The following FOXP1 variants were observed in gnomAD, a reference collection of about 807,000 sequenced individuals.
FOXP1 encodes the protein forkhead box P1, also known as forkhead box protein P1.
FOXP1 carries 15 observed loss-of-function variants against 98.2 expected under a neutral mutation model. That is an observed-to-expected ratio of 0.15 (90% CI 0.10 to 0.24). The LOEUF is 0.24. Ranked by LOEUF, FOXP1 falls within the 10% of genes least tolerant of loss-of-function variation. The pLI is 1.00. For missense variants in FOXP1, 633 were observed against 848.5 expected (o/e 0.75, Z 3.15); for synonymous variants, 371 against 314.5 (o/e 1.18, Z -1.90).
chr3:71,288,475 G>C (rs1034987978), intron 5 of FOXP1: 1 of 152,174 alleles, frequency 6.6e-6, no homozygotes, highest in Non-Finnish European at 1.5e-5. Flanking sequence ...AAAGGTAAAG[G>C]TGATAGACAG....
intron 6 of FOXP1, among the ~76,000 whole-genome samples, chr3:71,169,971 T>G (rs1047556303): frequency 6.6e-6 from 1 of 152,080 alleles, no homozygotes; most frequent in Admixed American, 6.6e-5. Context: ...CAATTAGCAT[T>G]GAAAAAAGAA....
At chr3:71,052,215 A>C (rs1241125376) in intron 9 of FOXP1, among the ~76,000 whole-genome samples, 2 of 152,078 alleles carry the variant, frequency 1.3e-5, no homozygotes, top group African/African-American at 4.8e-5. Context: ...AATTTTCCTG[A>C]AAGCACTTCA....
intron 14 of FOXP1, among the ~76,000 whole-genome samples, chr3:70,982,482 C>G (rs1256353364): frequency 1.3e-5 from 2 of 152,162 alleles, no homozygotes; most frequent in Admixed American, 6.5e-5. Context: ...GTCAGTAACT[C>G]TGATATTTTC....
chr3:70,971,433 G>C (rs1340153037), intron 18 of FOXP1: 3 of 154,324 alleles, frequency 1.9e-5, no homozygotes, highest in African/African-American at 7.2e-5. Flanking sequence ...CTAACATACT[G>C]TTGTCAGAAA....
rs939652041 is a variant in FOXP1 at position 71,331,098 on chromosome 3, G to A, written c.-73+28052C>T. ...GGCCCTTTCTGGGCTAGCCAAGGCC[G>A]GAGACGGCTCCCTCAGCTTGTGGGG... On this transcript the variant is annotated intron_variant, in intron 4 of 20. Transcript: ENST00000649528. 5.3e-5 allele frequency among the ~76,000 whole-genome samples: 8 copies of A among 152,332 alleles called. No individual in the cohort carries two copies. The East Asian group carries it at 5.8e-4, about 11-fold the overall frequency.
At chr3:71,188,642 T>C (rs1436076291) in intron 6 of FOXP1, among the ~76,000 whole-genome samples, 1 of 152,176 alleles carries the variant, frequency 6.6e-6, no homozygotes, top group Non-Finnish European at 1.5e-5. Context: ...GGTCTCGAAC[T>C]CCTGACCTCA....
At position 71,109,422 on chromosome 3, in the gene FOXP1, TGG is replaced by T. The variant is rs1359124725; in HGVS notation, c.282+3112_282+3113del. Among the ~76,000 whole-genome samples the T allele has an allele frequency of 1.4e-3, 39 of 27,388 alleles. 1 individual carries two copies. The Admixed American group carries it at 0.021, about 15-fold the overall frequency. The allele number at this position is 27,388 out of a possible 152,430, so 18.0% of individuals were successfully genotyped here. The stretch of plus-strand genomic sequence containing the variant: ...ATGAGTCACAGTATATTTGGGGATT[TGG>T]GGGTTTTTTTTTTTCCCTCAAGCTA... On this transcript the variant is annotated intron_variant, in intron 7 of 20. Coordinates refer to ENST00000649528, the MANE Select transcript of FOXP1 (RefSeq NM_001349338.3).
intron 9 of FOXP1, 139 bp downstream of exon 9, chr3:71,052,398 A>G (rs2050020355): frequency 2.8e-6 from 2 of 711,544 alleles, no homozygotes; most frequent in Non-Finnish European, 5.1e-6. Context: ...AAACAGGACA[A>G]TAATTCTCAG....
chr3:71,482,807 T>A (rs2090379434), intron 3 of FOXP1, among the ~76,000 whole-genome samples: 1 of 151,884 alleles, frequency 6.6e-6, no homozygotes, highest in Non-Finnish European at 1.5e-5. Context: ...TAACACTGGT[T>A]AGGAAGAGAC....
At position 71,465,144 on chromosome 3, in the gene FOXP1, T is replaced by C. The variant is rs538094827; in HGVS notation, c.-168+28282A>G. 3.2e-4 allele frequency among the ~76,000 whole-genome samples: 48 copies of C among 151,822 alleles called. No individual in the cohort carries two copies. The South Asian group carries it at 9.2e-3, about 29-fold the overall frequency. On this transcript the variant is annotated intron_variant, in intron 3 of 20. Coordinates refer to ENST00000649528, the MANE Select transcript of FOXP1 (RefSeq NM_001349338.3). ...CCAACAAGGAGAAACCCCGTCTCTA[T>C]TGAAAATACAAAATTAGCTGGGCGT... is the stretch of plus-strand genomic sequence containing the variant.
In FOXP1 at chr3:71,406,405, G is replaced by GTATATA. The variant is rs60423991; in HGVS notation, c.-167-47167_-167-47162dup. 5.9e-3 allele frequency among the ~76,000 whole-genome samples: 618 copies of GTATATA among 104,930 alleles called. 7 individuals are homozygous for GTATATA. The highest frequency in any genetic ancestry group is 9.6e-3 in the Non-Finnish European group (425 of 44,202). 68.8% of individuals were successfully genotyped at this position (104,930 alleles called of 152,430 possible). On this transcript the variant is annotated intron_variant, in intron 3 of 20. Coordinates refer to ENST00000649528, the MANE Select transcript of FOXP1 (RefSeq NM_001349338.3). ...TAATTGACACATAATAACTGTATGT[G>GTATATA]TATATATATATATATATATGGTACA... is the stretch of plus-strand genomic sequence containing the variant.
At chr3:71,447,266 T>C (rs1414332533) in intron 3 of FOXP1, among the ~76,000 whole-genome samples, 1 of 152,216 alleles carries the variant, frequency 6.6e-6, no homozygotes, top group Non-Finnish European at 1.5e-5. Flanking sequence ...CTGTTTAAAT[T>C]TAGCCACTAT....
At chr3:71,296,084 A>G (rs2073258320) in intron 5 of FOXP1, 1 of 152,224 alleles carries the variant, frequency 6.6e-6, no homozygotes, top group Non-Finnish European at 1.5e-5. Flanking sequence ...GACTCTTCAG[A>G]CCATAGAATC....
chr3:71,193,594 G>A (rs537382398), intron 6 of FOXP1, among the ~76,000 whole-genome samples: 18 of 151,982 alleles, frequency 1.2e-4, no homozygotes, highest in African/African-American at 4.1e-4. Context: ...GACTACAATC[G>A]TGCACCACCA....
chr3:71,512,938 A>AAG (rs1348893571), intron 2 of FOXP1, among the ~76,000 whole-genome samples: 1 of 152,176 alleles, frequency 6.6e-6, no homozygotes, highest in South Asian at 2.1e-4. Flanking sequence ...CGTCACCCTC[A>AAG]AGAGTTAAAC....
At chr3:71,103,521 C>T (rs2057158008) in intron 7 of FOXP1, among the ~76,000 whole-genome samples, 1 of 152,090 alleles carries the variant, frequency 6.6e-6, no homozygotes, top group South Asian at 2.1e-4. Flanking sequence ...CAGGGGAGTG[C>T]GACTACCTCC....
intron 3 of FOXP1, among the ~76,000 whole-genome samples, chr3:71,452,426 T>C (rs1267295155): frequency 6.6e-6 from 1 of 152,210 alleles, no homozygotes; most frequent in Admixed American, 6.5e-5. Flanking sequence ...CCTTATTTTC[T>C]AATGACGTGG....
Position 70,977,937 on chromosome 3 carries a change from G to T in FOXP1, c.1239C>A (p.Pro413=), listed in dbSNP as rs761941921. The change falls in exon 15 of 21, where the codon CCC becomes CCA. Residue 413 remains proline (P), a synonymous_variant. Transcript: ENST00000649528. ...LPHTPTTPTA[P]LTPVTQGPSV... ...AGGGGCCTTGGGTGACGGGAGTCAG[G>T]GGGGCGGTTGGGGTCGTTGGAGTAT... The T allele has an allele frequency of 5.6e-6, 9 of 1,614,074 alleles. No homozygotes were observed. In the East Asian group the frequency reaches 1.3e-4, roughly 24 times the overall value.
chr3:70,957,737 T>C lies in FOXP1; in HGVS notation c.*1510A>G, dbSNP rs763897487. The C allele has an allele frequency of 3.9e-5, 9 of 233,558 alleles. No homozygotes were observed. Among genetic ancestry groups the C allele is most frequent in the Non-Finnish European group, 7.6e-5 (9 of 118,098 alleles). 14.5% of individuals were successfully genotyped at this position (233,558 alleles called of 1,614,324 possible). A position where few individuals can be genotyped will look rare whatever the true frequency, so the allele number is the denominator to read the frequency against. On this transcript the variant is annotated 3_prime_UTR_variant, in exon 21 of 21. Coordinates refer to ENST00000649528, the MANE Select transcript of FOXP1 (RefSeq NM_001349338.3). ...CAAAGCCCAGGGCCTACATGATATC[T>C]TCTATGAGTTTTTGTGATACTGGGT...
Sources: allele counts gnomAD v4.1 joint callset (sites outside exome capture counted in the v4.1 genomes callset), GRCh38; gene constraint gnomAD v4.1.1; transcripts MANE v1.5; gene names NCBI Gene and HGNC (gene_info 2026-07-23, HGNC 2026-07-21).